The following DGKE variants were observed in gnomAD, a reference collection of about 807,000 sequenced individuals.
The protein encoded by DGKE is diacylglycerol kinase epsilon, also known as DAG kinase epsilon.
DGKE carries 53 observed loss-of-function variants against 70.0 expected under a neutral mutation model. That is an observed-to-expected ratio of 0.76 (90% confidence interval 0.61 to 0.95). The LOEUF (loss-of-function observed/expected upper bound fraction) is 0.95, where lower values mean the gene tolerates loss of function less well. Ranked by LOEUF, DGKE falls within the 40% of genes least tolerant of loss-of-function variation. The pLI, the probability that DGKE is intolerant of heterozygous loss-of-function variation, is 0.00. For missense variants in DGKE, 655 were observed against 706.9 expected (o/e 0.93, Z 0.83); for synonymous variants, 291 against 257.0 (o/e 1.13, Z -1.27).
At position 56,845,722 on chromosome 17, in the gene DGKE, A is replaced by G. The variant is rs775693761; in HGVS notation, c.657A>G (p.Pro219=). The change falls in exon 4 of 12, where the codon CCA becomes CCG. Residue 219 remains proline, a synonymous_variant. Transcript: ENST00000284061. ...CTAAGCTTGGAAAGCAGTGGACCCC[A>G]TTAATAATCCTGGCCAACTCTCGTA... The part of the protein sequence containing the change: ...LASKLGKQWT[P]LIILANSRSG... 2.5e-6 allele frequency: 4 copies of G among 1,612,516 alleles called. No homozygotes were observed. The South Asian group carries it at 4.4e-5, about 18-fold the overall frequency.
intron 2 of DGKE, among the ~76,000 whole-genome samples, chr17:56,837,116 G>A (rs942936434): frequency 6.6e-6 from 1 of 152,098 alleles, no homozygotes; most frequent in African/African-American, 2.4e-5. Flanking sequence ...CAAATTCTAG[G>A]GTTGCTAGAT....
intron 9 of DGKE, among the ~76,000 whole-genome samples, chr17:56,861,540 G>T (rs1908292095): frequency 6.6e-6 from 1 of 152,168 alleles, no homozygotes; most frequent in African/African-American, 2.4e-5. Flanking sequence ...TACTGAAACA[G>T]CAAGTTAGGT....
chr17:56,862,523 G>T (rs1053855314), intron 11 of DGKE, 89 bp from the exon 12 acceptor site: 3 of 1,196,844 alleles, frequency 2.5e-6, no homozygotes, highest in Non-Finnish European at 3.4e-6. Flanking sequence ...ATGCATAAGG[G>T]TTAAGGGATT....
Position 56,858,673 on chromosome 17 carries a change from A to G in DGKE, c.1284+8A>G. 6.3e-7 allele frequency: 1 copy of G among 1,580,024 alleles called. No homozygotes were observed. The highest frequency in any genetic ancestry group is 8.6e-7 in the Non-Finnish European group (1 of 1,162,434). On this transcript the variant is annotated splice_region_variant and intron_variant, in intron 9 of 11. Coordinates refer to ENST00000284061, the MANE Select transcript of DGKE (RefSeq NM_003647.3). ...TTGAATAAAAAAGTTGAGGTAAGCT[A>G]TTAACACTTTTTATTTTTTAAAGTT...
At position 56,869,045 on chromosome 17, in the gene DGKE, C is replaced by CGCTGGGCAGTT. The variant is rs1555603106; in HGVS notation, c.*6254_*6255insGCTGGGCAGTT. On this transcript the variant is annotated 3_prime_UTR_variant, in exon 12 of 12. Coordinates refer to ENST00000284061, the MANE Select transcript of DGKE (RefSeq NM_003647.3). ...CCCAGCCTCTACTACTGTAACTTAA[C>CGCTGGGCAGTT]ACTTGTTCTTCCTGAGCCTCAAATT... The CGCTGGGCAGTT allele has an allele frequency of 6.6e-6, 1 of 151,748 alleles. No homozygotes were observed. Among genetic ancestry groups the CGCTGGGCAGTT allele is most frequent in the Non-Finnish European group, 1.5e-5 (1 of 67,804 alleles). The allele number at this position is 151,748 out of a possible 1,614,324, so 9.4% of individuals were successfully genotyped here. A position where few individuals can be genotyped will look rare whatever the true frequency, so the allele number is the denominator to read the frequency against.
intron 4 of DGKE, chr17:56,846,327 T>C (rs1907284525): frequency 6.6e-6 from 1 of 152,272 alleles, no homozygotes; most frequent in South Asian, 2.1e-4. Context: ...AGGGACCTTA[T>C]ATTGTATGAC....
chr17:56,843,958 G>GT lies in DGKE; in HGVS notation c.465-60dup, dbSNP rs1192374669. 2.8e-6 allele frequency: 4 copies of GT among 1,433,676 alleles called. No individual in the cohort carries two copies. In the African/African-American group the frequency reaches 5.9e-5, roughly 21 times the overall value. The allele number at this position is 1,433,676 out of a possible 1,614,324, so 88.8% of individuals were successfully genotyped here. A position where few individuals can be genotyped will look rare whatever the true frequency, so the allele number is the denominator to read the frequency against. On this transcript the variant is annotated intron_variant, in intron 2 of 11. Transcript: ENST00000284061. ...ATTTTTTAACAAAAATGATTGTTTT[G>GT]TGGGTTATCATTGAGATTATGGTTT...
intron 4 of DGKE, 49 bp downstream of exon 4, chr17:56,845,858 A>G (rs1907254864): frequency 6.5e-7 from 1 of 1,527,170 alleles, no homozygotes; most frequent in Non-Finnish European, 8.8e-7. Flanking sequence ...TTTTCCCCAA[A>G]ATGCAATGAT....
chr17:56,862,990 A>G lies in DGKE; in HGVS notation c.*199A>G, dbSNP rs570861218. 28 of 431,354 alleles carry G rather than the reference A, an allele frequency of 6.5e-5. No homozygotes were observed. Among genetic ancestry groups the G allele is most frequent in the African/African-American group, 5.7e-4 (28 of 48,834 alleles). The allele number at this position is 431,354 out of a possible 1,614,324, so 26.7% of individuals were successfully genotyped here. A position where few individuals can be genotyped will look rare whatever the true frequency, so the allele number is the denominator to read the frequency against. On this transcript the variant is annotated 3_prime_UTR_variant, in exon 12 of 12. Transcript: ENST00000284061. The stretch of plus-strand genomic sequence containing the variant: ...ACAAATGTTTGTTCTTTTTTCAGCA[A>G]AATACTTCAAATGAATAGTATTAAC...
chr17:56,856,661 C>T (rs768155940), intron 8 of DGKE, 36 bp downstream of exon 8: 90 of 1,584,064 alleles, frequency 5.7e-5, no homozygotes, highest in Middle Eastern at 3.3e-4. Flanking sequence ...TGCTTATCAC[C>T]GAAGGTACAG....
rs377356761 is a variant in DGKE at position 56,834,760 on chromosome 17, T to C, written c.-18-18T>C. On this transcript the variant is annotated intron_variant, in intron 1 of 11. Coordinates refer to ENST00000284061, the MANE Select transcript of DGKE (RefSeq NM_003647.3). ...GATGGCGAGCTCGGGGTGCACCGCCTGTTTCTTTTCTGGTTAGGTATCGTC... is the reference window on the plus strand; with the variant it reads ...GATGGCGAGCTCGGGGTGCACCGCCCGTTTCTTTTCTGGTTAGGTATCGTC... 9.0e-6 allele frequency: 14 copies of C among 1,548,958 alleles called. No homozygotes were observed. The highest frequency in any genetic ancestry group is 2.7e-5 in the African/African-American group (2 of 73,600).
intron 11 of DGKE, 145 bp downstream of exon 11, chr17:56,862,396 G>A (rs1376524646): frequency 7.8e-6 from 7 of 895,814 alleles, no homozygotes; most frequent in African/African-American, 1.7e-5. Flanking sequence ...GCTAGAGTGG[G>A]ATGAGGAAGA....
At position 56,835,191 on chromosome 17, in the gene DGKE, G is replaced by T; in HGVS notation, c.396G>T (p.Val132=). The T allele has an allele frequency of 3.1e-6, 5 of 1,614,054 alleles. No individual in the cohort carries two copies. Among genetic ancestry groups the T allele is most frequent in the South Asian group, 1.1e-5 (1 of 91,088 alleles). The change falls in exon 2 of 12, where the codon GTG becomes GTT. Residue 132 remains valine (V), a synonymous_variant. Transcript: ENST00000284061. ...CCCACCACTGGATCCGGGGCAACGT[G>T]CCCCTGTGCAGTTACTGTATGGTTT... The part of the protein sequence containing the change: ...AMPHHWIRGN[V]PLCSYCMVCK...
intron 2 of DGKE, among the ~76,000 whole-genome samples, chr17:56,841,939 C>G (rs1907007127): frequency 6.6e-6 from 1 of 152,078 alleles, no homozygotes; most frequent in Non-Finnish European, 1.5e-5. Context: ...GGACTACAGG[C>G]ACACGTTACC....
At chr17:56,839,155 G>A (rs1386460014) in intron 2 of DGKE, among the ~76,000 whole-genome samples, 1 of 152,096 alleles carries the variant, frequency 6.6e-6, no homozygotes, top group East Asian at 1.9e-4. Context: ...CATACTGTCT[G>A]CAGTTTACTT....
chr17:56,834,340 A>C, intron 1 of DGKE, 80 bp downstream of exon 1: 1 of 158,932 alleles, frequency 6.3e-6, no homozygotes, highest in Non-Finnish European at 1.4e-5. Context: ...CGCGCGTGGG[A>C]GCGGGTGGGG....
chr17:56,861,685 C>A, intron 9 of DGKE, 106 bp from the exon 10 acceptor site: 1 of 1,471,030 alleles, frequency 6.8e-7, no homozygotes, highest in Non-Finnish European at 9.2e-7. Context: ...TCTACATGTG[C>A]ATCTCTCATA....
At position 56,860,852 on chromosome 17, in the gene DGKE, G is replaced by A. The variant is rs565351124; in HGVS notation, c.1285-939G>A. ...TAGCTTTCAGGAAGGAAAGACAAGC[G>A]CTGAGGCTAGAGAGATGGACAGAAG... On this transcript the variant is annotated intron_variant, in intron 9 of 11. Transcript: ENST00000284061. Among the ~76,000 whole-genome samples, 1,296 of 152,310 alleles carry A rather than the reference G, an allele frequency of 8.5e-3. 20 individuals carry two copies. Among genetic ancestry groups the A allele is most frequent in the African/African-American group, 0.03 (1,236 of 41,556 alleles).
Position 56,848,775 on chromosome 17 carries a change from G to A in DGKE, c.968G>A (p.Gly323Asp). Residue 323 changes from glycine (G) to aspartate (D), a missense_variant, in exon 6 of 12, where the codon GGT (glycine) becomes GAT (aspartate). Coordinates refer to ENST00000284061, the MANE Select transcript of DGKE (RefSeq NM_003647.3). ...GATCTATCCAATACATTGGGTTGGG[G>A]TACAGGTTATGCTGGAGAAATTCCA... is the stretch of plus-strand genomic sequence containing the variant. ...GNDLSNTLGW[G>D]TGYAGEIPVA... 1 of 1,614,174 alleles carries A rather than the reference G, an allele frequency of 6.2e-7. No homozygotes were observed. Among genetic ancestry groups the A allele is most frequent in the Non-Finnish European group, 8.5e-7 (1 of 1,180,014 alleles).
Sources: gnomAD v4.1 joint callset for allele counts (sites outside exome capture counted in the v4.1 genomes callset) on GRCh38, gnomAD v4.1.1 for gene constraint, MANE v1.5 for transcripts, NCBI Gene and HGNC (gene_info 2026-07-23, HGNC 2026-07-21) for gene names.